Variants in CYP2U1 observed in about 807,000 individuals in gnomAD.
The protein encoded by CYP2U1 is cytochrome P450 2U1.
A neutral mutation model predicts 42.8 loss-of-function variants in CYP2U1; 28 were observed. The observed-to-expected ratio is 0.65, with a 90% CI of 0.48 to 0.90. CYP2U1 has a LOEUF of 0.90. CYP2U1 is among the 40% of genes least tolerant of loss of function. The pLI is 0.00. For missense variants in CYP2U1, 642 were observed against 693.8 expected, an observed-to-expected ratio of 0.93 and a Z score of 0.84; for synonymous variants, 296 against 278.9, an observed-to-expected ratio of 1.06 and a Z score of -0.61.
Position 107,931,769 on chromosome 4 carries a change from C to A in CYP2U1, c.126C>A (p.Leu42=), listed in dbSNP as rs772721415. 3.4e-6 allele frequency: 5 copies of A among 1,487,196 alleles called. No homozygotes were observed. The allele number at this position is 1,487,196 out of a possible 1,614,324, so 92.1% of individuals were successfully genotyped here. A position where few individuals can be genotyped will look rare whatever the true frequency, so the allele number is the denominator to read the frequency against. ...GGGGCGCGCTGCTGCTATGCGGCCT[C>A]GTAGCGCTGCTGGGCTGGAGCTGGC... ...PSGGALLLCG[L]VALLGWSWLR... The change falls in exon 1 of 5, where the codon CTC becomes CTA. Residue 42 remains leucine, a synonymous_variant. Transcript: ENST00000332884.
intron 1 of CYP2U1, among the ~76,000 whole-genome samples, chr4:107,932,935 A>G (rs939419226): frequency 6.6e-6 from 1 of 152,210 alleles, no homozygotes; most frequent in Non-Finnish European, 1.5e-5. Flanking sequence ...AACTGACGCT[A>G]CATAACTTTA....
At chr4:107,933,382 G>A (rs1472340585) in intron 1 of CYP2U1, among the ~76,000 whole-genome samples, 2 of 152,174 alleles carry the variant, frequency 1.3e-5, no homozygotes, top group African/African-American at 2.4e-5. Context: ...AAGCAGGTAG[G>A]TTTTCTCCAG....
intron 1 of CYP2U1, 65 bp downstream of exon 1, chr4:107,932,198 G>T (rs1733026662): frequency 1.3e-6 from 2 of 1,521,402 alleles, no homozygotes; most frequent in Non-Finnish European, 1.8e-6. Context: ...GTGCGTGGGG[G>T]CTGCAGTTCC....
chr4:107,945,077 A>G lies in CYP2U1; in HGVS notation c.598A>G (p.Ile200Val). 6.2e-7 allele frequency: 1 copy of G among 1,613,744 alleles called. No individual in the cohort carries two copies. Among genetic ancestry groups the G allele is most frequent in the Non-Finnish European group, 8.5e-7 (1 of 1,179,954 alleles). ...LGKLSLEPKI[I>V]EEFKYVKAEM... is the part of the protein sequence containing the mutation. ...AAAACTTAGCTTGGAGCCCAAGATT[A>G]TTGAGGAGTTCAAATATGTGAAAGC... Residue 200 changes from isoleucine to valine, a missense_variant, in exon 2 of 5, where the codon ATT becomes GTT. Physicochemically the swap from Ile to Val is conservative, Grantham distance 29 (BLOSUM62 3). Transcript: ENST00000332884.
Position 107,947,415 on chromosome 4 carries a change from A to G in CYP2U1, c.1166A>G (p.Asn389Ser), listed in dbSNP as rs1485090175. ...GAAATTGAAAGAGTCATTGGCGCCA[A>G]CCGAGCTCCTTCCCTCACAGACAAG... is the stretch of plus-strand genomic sequence containing the variant. ...HEEIERVIGA[N>S]RAPSLTDKAQ... The change falls in exon 3 of 5, where the codon AAC becomes AGC. Residue 389 changes from asparagine (N) to serine (S), a missense_variant. Physicochemically the swap from Asn to Ser is conservative, Grantham distance 46 (BLOSUM62 1). Coordinates refer to ENST00000332884, the MANE Select transcript of CYP2U1 (RefSeq NM_183075.3). 23 of 1,614,150 alleles carry G rather than the reference A, an allele frequency of 1.4e-5. 1 individual carries two copies. Among genetic ancestry groups the G allele is most frequent in the Admixed American group, 6.7e-5 (4 of 60,014 alleles).
rs561383081 is a variant in CYP2U1 at position 107,952,197 on chromosome 4, T to C, written c.*1774T>C. On this transcript the variant is annotated 3_prime_UTR_variant, in exon 5 of 5. Transcript: ENST00000332884. ...CCTACCTTATTTGAATAATTACAAGTCATGTTTTTGTTGCTTAAAGGTGAT... is the reference window on the plus strand; with the variant it reads ...CCTACCTTATTTGAATAATTACAAGCCATGTTTTTGTTGCTTAAAGGTGAT... 2.0e-4 allele frequency: 31 copies of C among 152,382 alleles called. No individual in the cohort carries two copies. Among genetic ancestry groups the C allele is most frequent in the Admixed American group, 1.8e-3 (27 of 15,312 alleles). The allele number at this position is 152,382 out of a possible 1,614,324, so 9.4% of individuals were successfully genotyped here.
intron 1 of CYP2U1, among the ~76,000 whole-genome samples, chr4:107,942,314 C>T (rs1733524575): frequency 6.6e-6 from 1 of 152,096 alleles, no homozygotes; most frequent in Non-Finnish European, 1.5e-5. Flanking sequence ...CAGCAAATGC[C>T]TCCTATGCTC....
rs1321926095 is a variant in CYP2U1, at chr4:107,936,763, T to G, written c.490+4630T>G. Among the ~76,000 whole-genome samples the G allele has an allele frequency of 7.9e-5, 12 of 152,368 alleles. No individual in the cohort carries two copies. The East Asian group carries it at 2.3e-3, about 29-fold the overall frequency. On this transcript the variant is annotated intron_variant, in intron 1 of 4. Transcript: ENST00000332884. ...AACTTGATTATCTGCAGCTCAGATT[T>G]GCTTCAGATTTATAAATAACACATA...
chr4:107,933,558 A>G (rs958608782), intron 1 of CYP2U1, among the ~76,000 whole-genome samples: 5 of 152,174 alleles, frequency 3.3e-5, no homozygotes, highest in African/African-American at 1.2e-4. Flanking sequence ...GTGTTCATCC[A>G]TGTTGTGGCA....
chr4:107,942,378 A>T (rs1181648947), intron 1 of CYP2U1, among the ~76,000 whole-genome samples: 1 of 152,226 alleles, frequency 6.6e-6, no homozygotes, highest in Non-Finnish European at 1.5e-5. Flanking sequence ...GGAAAAAGAA[A>T]TTAAATGCAG....
intron 1 of CYP2U1, chr4:107,937,534 A>C (rs1349042776): frequency 7.2e-6 from 1 of 138,922 alleles, no homozygotes; most frequent in Non-Finnish European, 1.5e-5. Context: ...TTTGAGGTGG[A>C]GTCTTGCTCT....
At chr4:107,946,540 G>A (rs1028792709) in intron 2 of CYP2U1, among the ~76,000 whole-genome samples, 2 of 151,522 alleles carry the variant, frequency 1.3e-5, no homozygotes, top group Non-Finnish European at 1.5e-5. Flanking sequence ...GTATGGGCCC[G>A]TATTCTGCCT....
chr4:107,951,065 G>A lies in CYP2U1; in HGVS notation c.*642G>A, dbSNP rs1050986551. On this transcript the variant is annotated 3_prime_UTR_variant, in exon 5 of 5. Coordinates refer to ENST00000332884, the MANE Select transcript of CYP2U1 (RefSeq NM_183075.3). ...TTTATGATTTTAGTTTTTACTTTTT[G>A]TAGATGTGGGATGAAGTGGACTCTG... 6.6e-6 allele frequency: 1 copy of A among 152,136 alleles called. No homozygotes were observed. The allele number at this position is 152,136 out of a possible 1,614,324, so 9.4% of individuals were successfully genotyped here.
At chr4:107,933,835 GA>G (rs932209208) in intron 1 of CYP2U1, among the ~76,000 whole-genome samples, 7 of 152,156 alleles carry the variant, frequency 4.6e-5, no homozygotes, top group South Asian at 4.2e-4. Flanking sequence ...GGAATGACAA[GA>G]AAAAAAGTCT....
rs374109524 is a variant in CYP2U1, at chr4:107,944,996, G to A, written c.517G>A (p.Val173Ile). 1.2e-4 allele frequency: 199 copies of A among 1,612,792 alleles called. No homozygotes were observed. Among genetic ancestry groups the A allele is most frequent in the Middle Eastern group, 1.7e-4 (1 of 6,058 alleles). ...KGVVFAHYGP[V>I]WRQQRKFSHS... ...GGTTGTGTTTGCACATTATGGTCCC[G>A]TCTGGAGACAACAAAGGAAGTTCTC... The change falls in exon 2 of 5, where the codon GTC (valine) becomes ATC (isoleucine). Residue 173 changes from valine to isoleucine, a missense_variant. Val to Ile is a conservative substitution (Grantham distance 29, BLOSUM62 3). Transcript: ENST00000332884.
rs566849269 is a variant in CYP2U1, at chr4:107,935,224, G to T, written c.490+3091G>T. Among the ~76,000 whole-genome samples the T allele has an allele frequency of 2.0e-5, 3 of 152,178 alleles. No homozygotes were observed. The East Asian group carries it at 5.8e-4, about 29-fold the overall frequency. Reference sequence around the variant, plus strand: ...CAGTTTATCAGAGTGCTTCTTGGTGGCTACTGTTTGGTTGAGAATCTATAA... The same window carrying T: ...CAGTTTATCAGAGTGCTTCTTGGTGTCTACTGTTTGGTTGAGAATCTATAA... On this transcript the variant is annotated intron_variant, in intron 1 of 4. Coordinates refer to ENST00000332884, the MANE Select transcript of CYP2U1 (RefSeq NM_183075.3).
At position 107,950,402 on chromosome 4, in the gene CYP2U1, T is replaced by C; in HGVS notation, c.1614T>C (p.Asn538=). 1 of 1,609,270 alleles carries C rather than the reference T, an allele frequency of 6.2e-7. No homozygotes were observed. Among genetic ancestry groups the C allele is most frequent in the South Asian group, 1.1e-5 (1 of 89,914 alleles). ...TAACTTTAGCCCCACATCCATTTAA[T>C]ATAACTATTTCAAGGAGATGAAGAG... ...FGLTLAPHPF[N]ITISRR The change falls in exon 5 of 5, where the codon AAT becomes AAC. Residue 538 remains asparagine (N), a synonymous_variant. Coordinates refer to ENST00000332884, the MANE Select transcript of CYP2U1 (RefSeq NM_183075.3).
chr4:107,951,180 A>G lies in CYP2U1; in HGVS notation c.*757A>G, dbSNP rs186750689. The G allele has an allele frequency of 4.6e-5, 7 of 152,342 alleles. No homozygotes were observed. The highest frequency in any genetic ancestry group is 1.4e-4 in the African/African-American group (6 of 41,576). 9.4% of individuals were successfully genotyped at this position (152,342 alleles called of 1,614,324 possible). A position where few individuals can be genotyped will look rare whatever the true frequency, so the allele number is the denominator to read the frequency against. On this transcript the variant is annotated 3_prime_UTR_variant, in exon 5 of 5. Transcript: ENST00000332884. ...ATTTATATGTCTAACTTCTACTACA[A>G]CTACAGGAACAGTGAGCCTTGCTAC...
chr4:107,948,501 A>C (rs1733790467), intron 3 of CYP2U1, among the ~76,000 whole-genome samples: 1 of 152,106 alleles, frequency 6.6e-6, no homozygotes, highest in African/African-American at 2.4e-5. Context: ...CGGGAGGCAG[A>C]GGTTGCGGTG....
Sources: gnomAD v4.1 joint callset for allele counts (sites outside exome capture counted in the v4.1 genomes callset) on GRCh38, gnomAD v4.1.1 for gene constraint, MANE v1.5 for transcripts, NCBI Gene and HGNC (gene_info 2026-07-23, HGNC 2026-07-21) for gene names.